Variants in MPPED1 observed in about 807,000 individuals in gnomAD.
MPPED1 encodes metallophosphoesterase domain containing 1, also known as metallophosphoesterase domain-containing protein 1.
Under a neutral mutation model 36.2 loss-of-function variants are expected in MPPED1, and 16 were observed. That is an observed-to-expected ratio of 0.44 (90% CI 0.30 to 0.67). The LOEUF (loss-of-function observed/expected upper bound fraction) is 0.67, where lower values mean the gene tolerates loss of function less well. Among genes scored for constraint, MPPED1 ranks in the 30% least tolerant of loss-of-function variants. The pLI is 0.10. For synonymous variants in MPPED1, 199 were observed against 191.3 expected (o/e 1.04, Z -0.33); for missense variants, 307 against 453.4 (o/e 0.68, Z 2.93).
intron 5 of MPPED1, among the ~76,000 whole-genome samples, chr22:43,501,827 C>G (rs1401364738): frequency 6.6e-6 from 1 of 152,024 alleles, no homozygotes; most frequent in Non-Finnish European, 1.5e-5. Flanking sequence ...CCTTCTCCCC[C>G]TCCTCCTCCT....
At chr22:43,460,784 C>A (rs376289170) in intron 3 of MPPED1, among the ~76,000 whole-genome samples, 1 of 152,118 alleles carries the variant, frequency 6.6e-6, no homozygotes, top group Non-Finnish European at 1.5e-5. Context: ...TTTACAAAAG[C>A]CTTCACTTCT....
intron 6 of MPPED1, 133 bp from the exon 7 acceptor site, chr22:43,505,365 G>A (rs1046012984): frequency 1.5e-6 from 1 of 668,808 alleles, no homozygotes; most frequent in Non-Finnish European, 2.6e-6. Flanking sequence ...TGAAGGGACT[G>A]ACCTCGAGAG....
chr22:43,460,705 T>G (rs191755998), intron 3 of MPPED1, among the ~76,000 whole-genome samples: 1 of 152,300 alleles, frequency 6.6e-6, no homozygotes, highest in East Asian at 1.9e-4. Context: ...CTTGAACTGA[T>G]AAGTCTCCCA....
chr22:43,437,715 A>G (rs1223594974), intron 3 of MPPED1, among the ~76,000 whole-genome samples: 1 of 152,090 alleles, frequency 6.6e-6, no homozygotes, highest in Non-Finnish European at 1.5e-5. Flanking sequence ...CATCCCTCCA[A>G]ATGTTGTTTT....
intron 4 of MPPED1, among the ~76,000 whole-genome samples, chr22:43,482,288 G>C (rs1432331466): frequency 6.6e-6 from 1 of 152,194 alleles, no homozygotes; most frequent in Non-Finnish European, 1.5e-5. Context: ...CTGGTATTTT[G>C]AAAGAAGGGA....
At chr22:43,469,848 T>C (rs940090614) in intron 3 of MPPED1, among the ~76,000 whole-genome samples, 1 of 152,092 alleles carries the variant, frequency 6.6e-6, no homozygotes, top group African/African-American at 2.4e-5. Context: ...TCAGTTCACC[T>C]ATCCACCCAC....
intron 1 of MPPED1, among the ~76,000 whole-genome samples, chr22:43,420,981 C>G (rs1034931544): frequency 6.6e-6 from 1 of 152,196 alleles, no homozygotes; most frequent in Non-Finnish European, 1.5e-5. Context: ...CCATCCTCCC[C>G]CGTAGTTCCA....
At chr22:43,485,934 T>G (rs760841897) in intron 4 of MPPED1, among the ~76,000 whole-genome samples, 1 of 152,236 alleles carries the variant, frequency 6.6e-6, no homozygotes, top group Non-Finnish European at 1.5e-5. Context: ...CTGTCCCCTC[T>G]CGGGCAGCCA....
Position 43,451,707 on chromosome 22 carries a change from C to T in MPPED1, c.406+16492C>T, listed in dbSNP as rs143517417. ...TTTTTTGCTCATTGATCCAACCATG[C>T]GCCGCACCCCCTTAAAACTCTGCAG... On this transcript the variant is annotated intron_variant, in intron 3 of 6. Coordinates refer to ENST00000443721, the MANE Select transcript of MPPED1 (RefSeq NM_001044370.2). Among the ~76,000 whole-genome samples the T allele has an allele frequency of 5.9e-3, 906 of 152,364 alleles. 11 individuals are homozygous for T. The highest frequency in any genetic ancestry group is 0.021 in the African/African-American group (870 of 41,590).
intron 2 of MPPED1, among the ~76,000 whole-genome samples, chr22:43,428,466 G>A (rs1391019897): frequency 3.3e-5 from 5 of 152,166 alleles, no homozygotes; most frequent in African/African-American, 9.7e-5. Flanking sequence ...CCCCGAGCTC[G>A]GAAGCATGGA....
chr22:43,425,329 C>A (rs1929430766), intron 2 of MPPED1, 120 bp downstream of exon 2: 2 of 1,421,202 alleles, frequency 1.4e-6, no homozygotes, highest in South Asian at 1.5e-5. Flanking sequence ...TTGTTGACTG[C>A]AACAATTCTG....
intron 3 of MPPED1, among the ~76,000 whole-genome samples, chr22:43,463,803 T>C (rs930351227): frequency 5.6e-5 from 8 of 143,360 alleles, no homozygotes; most frequent in Non-Finnish European, 9.2e-5. Flanking sequence ...TTTTTCATTT[T>C]TTCTTTTCTT....
At chr22:43,497,120 ATGGACG>A (rs1932442145) in intron 4 of MPPED1, among the ~76,000 whole-genome samples, 2 of 110,332 alleles carry the variant, frequency 1.8e-5, no homozygotes, top group African/African-American at 3.6e-5. Context: ...GGAGGTGGTG[ATGGACG>A]TGGTGGTGGT....
Position 43,502,966 on chromosome 22 carries a change from G to T in MPPED1, c.862+209G>T, listed in dbSNP as rs1439729768. Among the ~76,000 whole-genome samples, 2 of 152,188 alleles carry T rather than the reference G, an allele frequency of 1.3e-5. No homozygotes were observed. Among genetic ancestry groups the T allele is most frequent in the African/African-American group, 4.8e-5 (2 of 41,454 alleles). ...GGAAGATGATCACAACATCCTGCAT[G>T]ACTTAGGGGGTAAATTTTGCTTCCG... On this transcript the variant is annotated intron_variant, in intron 6 of 6. Coordinates refer to ENST00000443721, the MANE Select transcript of MPPED1 (RefSeq NM_001044370.2). This position sits in a 1 kb window ranked among gnomAD's most constrained non-coding sequence, Gnocchi z 5.5.
rs915308683 is a variant in MPPED1 at position 43,491,187 on chromosome 22, A to T, written c.633-7048A>T. ...CCCTGCTGTAGGCCAAAGGTTTTTCATTCAGGCTCCGTGGGTGAGTCTCAG... is the reference window on the plus strand; with the variant it reads ...CCCTGCTGTAGGCCAAAGGTTTTTCTTTCAGGCTCCGTGGGTGAGTCTCAG... On this transcript the variant is annotated intron_variant, in intron 4 of 6. Coordinates refer to ENST00000443721, the MANE Select transcript of MPPED1 (RefSeq NM_001044370.2). Among the ~76,000 whole-genome samples the T allele has an allele frequency of 2.0e-5, 3 of 152,222 alleles. No homozygotes were observed. In the East Asian group the frequency reaches 5.8e-4, roughly 29 times the overall value.
At chr22:43,459,163 C>T (rs1930857946) in intron 3 of MPPED1, among the ~76,000 whole-genome samples, 1 of 152,168 alleles carries the variant, frequency 6.6e-6, no homozygotes. Context: ...CAACCTCTGC[C>T]TCCCAGGTTA....
chr22:43,437,875 C>T (rs925451095), intron 3 of MPPED1, among the ~76,000 whole-genome samples: 3 of 152,120 alleles, frequency 2.0e-5, no homozygotes, highest in Non-Finnish European at 4.4e-5. Flanking sequence ...GGACCTGAAC[C>T]TTGAGGTTGA....
chr22:43,488,267 C>T (rs1389901958), intron 4 of MPPED1, among the ~76,000 whole-genome samples: 3 of 152,198 alleles, frequency 2.0e-5, no homozygotes, highest in African/African-American at 7.2e-5. Context: ...GGCCCCAGCA[C>T]TCCAGGAAAT....
Position 43,424,948 on chromosome 22 carries a change from G to T in MPPED1, c.-38G>T. ...GGCGGGGGGCCGGGCTGCGGTGGCGGCAGCGGTGGGAGATGCCGGGGCGGC... is the reference window on the plus strand; with the variant it reads ...GGCGGGGGGCCGGGCTGCGGTGGCGTCAGCGGTGGGAGATGCCGGGGCGGC... On this transcript the variant is annotated 5_prime_UTR_variant, in exon 2 of 7. Coordinates refer to ENST00000443721, the MANE Select transcript of MPPED1 (RefSeq NM_001044370.2). 1 of 1,548,478 alleles carries T rather than the reference G, an allele frequency of 6.5e-7. No homozygotes were observed.
Sources: allele counts gnomAD v4.1 joint callset (sites outside exome capture counted in the v4.1 genomes callset), GRCh38; gene constraint gnomAD v4.1.1; non-coding constraint Gnocchi (gnomAD v3.1); transcripts MANE v1.5; gene names NCBI Gene and HGNC (gene_info 2026-07-23, HGNC 2026-07-21).